The following NPAS3 variants were observed in gnomAD, a reference collection of about 807,000 sequenced individuals.
NPAS3 encodes the protein neuronal PAS domain-containing protein 3.
In NPAS3, 14 loss-of-function variants were observed where a neutral mutation model predicts 73.1. The observed-to-expected ratio is 0.19, with a 90% confidence interval of 0.13 to 0.30. The LOEUF is 0.30. Ranked by LOEUF, NPAS3 falls within the 10% of genes least tolerant of loss-of-function variation. The probability of loss-of-function intolerance (pLI) is 1.00; values close to 1 mark genes in which losing one functional copy is unlikely to be tolerated. For synonymous variants in NPAS3, 620 were observed against 541.5 expected (o/e 1.14, Z -2.01); for missense variants, 1,096 against 1,250.0 (o/e 0.88, Z 1.86).
At position 32,962,940 on chromosome 14, in the gene NPAS3, C is replaced by T. The variant is rs188040913; in HGVS notation, c.50+23574C>T. 2.0e-5 allele frequency among the ~76,000 whole-genome samples: 3 copies of T among 150,742 alleles called. No homozygotes were observed. The East Asian group carries it at 5.9e-4, about 29-fold the overall frequency. On this transcript the variant is annotated intron_variant, in intron 1 of 11. Transcript: ENST00000356141. ...ATATTGCCCATGCTGGCCTTGGTCT[C>T]CTGGGTTCAAGTGATCCTTTTGCCT...
intron 3 of NPAS3, among the ~76,000 whole-genome samples, chr14:33,356,138 C>A (rs529962461): frequency 6.6e-6 from 1 of 152,340 alleles, no homozygotes; most frequent in South Asian, 2.1e-4. Context: ...ATACATTGAA[C>A]TGTGGTTAAA....
At chr14:33,585,927 AT>A (rs1335774858) in intron 5 of NPAS3, 7 of 151,852 alleles carry the variant, frequency 4.6e-5, no homozygotes, top group Non-Finnish European at 1.0e-4. Flanking sequence ...TTTTAGTTTT[AT>A]TTTCTGATCA....
intron 4 of NPAS3, among the ~76,000 whole-genome samples, chr14:33,430,558 AC>A (rs1475979591): frequency 1.3e-5 from 2 of 151,978 alleles, no homozygotes; most frequent in Non-Finnish European, 2.9e-5. Context: ...GGGTGTCTGC[AC>A]TGTGACAAGA....
chr14:33,294,730 T>C (rs2042227103), intron 3 of NPAS3, among the ~76,000 whole-genome samples: 1 of 152,214 alleles, frequency 6.6e-6, no homozygotes, highest in Admixed American at 6.5e-5. Context: ...CAAATTTTAA[T>C]GGTGTCTGTA....
intron 7 of NPAS3, among the ~76,000 whole-genome samples, chr14:33,767,681 G>A (rs1055981470): frequency 1.3e-5 from 2 of 150,328 alleles, no homozygotes; most frequent in African/African-American, 4.9e-5. Flanking sequence ...ATTATATGTG[G>A]GAAATAATGC....
At chr14:33,044,003 A>G (rs2040424669) in intron 1 of NPAS3, among the ~76,000 whole-genome samples, 1 of 152,150 alleles carries the variant, frequency 6.6e-6, no homozygotes, top group Non-Finnish European at 1.5e-5. Flanking sequence ...TTTGACTCTT[A>G]TGTAATATTT....
chr14:33,769,763 T>TC (rs2062589331), intron 7 of NPAS3, among the ~76,000 whole-genome samples: 1 of 129,302 alleles, frequency 7.7e-6, no homozygotes, highest in Non-Finnish European at 1.6e-5. Context: ...TTTCTTTTTT[T>TC]TTTTTTTTTT....
rs188947341 is a variant in NPAS3 at position 33,172,677 on chromosome 14, G to A, written c.141-42505G>A. Among the ~76,000 whole-genome samples, 37 of 151,776 alleles carry A rather than the reference G, an allele frequency of 2.4e-4. 2 individuals are homozygous for A. The highest frequency in any genetic ancestry group is 6.8e-3 in the Middle Eastern group (2 of 292). Reference sequence around the variant, plus strand: ...CTTGAACCTTGGAGGCGGAGGTTACGCTGAACTGAGATCATGCCACAGCAC... The same window carrying A: ...CTTGAACCTTGGAGGCGGAGGTTACACTGAACTGAGATCATGCCACAGCAC... On this transcript the variant is annotated intron_variant, in intron 2 of 11. Coordinates refer to ENST00000356141, the Ensembl canonical transcript of NPAS3.
intron 3 of NPAS3, among the ~76,000 whole-genome samples, chr14:33,259,292 AT>A (rs1425074579): frequency 1.3e-5 from 2 of 150,756 alleles, no homozygotes; most frequent in South Asian, 2.1e-4. Context: ...CGTCCATTTT[AT>A]TTTTTTTTCT....
chr14:33,118,050 T>G (rs1253197849), intron 2 of NPAS3, among the ~76,000 whole-genome samples: 2 of 152,092 alleles, frequency 1.3e-5, no homozygotes, highest in Non-Finnish European at 2.9e-5. Context: ...AATCTCAAGT[T>G]TTGGGGAGCA....
At chr14:33,530,545 T>G (rs2053994409) in intron 4 of NPAS3, among the ~76,000 whole-genome samples, 1 of 152,076 alleles carries the variant, frequency 6.6e-6, no homozygotes, top group Non-Finnish European at 1.5e-5. Flanking sequence ...TTGCAAGTTG[T>G]CAGTTTGAAA....
intron 3 of NPAS3, among the ~76,000 whole-genome samples, chr14:33,293,695 G>A (rs149388202): frequency 6.6e-6 from 1 of 152,138 alleles, no homozygotes; most frequent in Non-Finnish European, 1.5e-5. Flanking sequence ...ATTGTAAAAG[G>A]TTAGTAATTA....
intron 4 of NPAS3, among the ~76,000 whole-genome samples, chr14:33,417,959 T>C (rs2048216516): frequency 6.6e-6 from 1 of 152,056 alleles, no homozygotes; most frequent in South Asian, 2.1e-4. Flanking sequence ...TTGGTTCCCC[T>C]GGAATTGCAC....
chr14:33,048,539 C>T (rs929529468), intron 1 of NPAS3, among the ~76,000 whole-genome samples: 3 of 152,212 alleles, frequency 2.0e-5, no homozygotes, highest in African/African-American at 7.2e-5. Flanking sequence ...AGGACTCCCA[C>T]CAATCCCCAT....
At chr14:33,386,524 T>TA (rs2046782743) in intron 4 of NPAS3, among the ~76,000 whole-genome samples, 3 of 143,098 alleles carry the variant, frequency 2.1e-5, no homozygotes, top group Non-Finnish European at 4.6e-5. Flanking sequence ...TTTTTTTTTT[T>TA]AATGTAGCCT....
chr14:33,157,250 G>T (rs2044680443), intron 2 of NPAS3, among the ~76,000 whole-genome samples: 1 of 152,142 alleles, frequency 6.6e-6, no homozygotes, highest in African/African-American at 2.4e-5. Flanking sequence ...AATTATCTTT[G>T]ACATATTTTG....
At position 33,417,793 on chromosome 14, in the gene NPAS3, A is replaced by G. The variant is rs578086544; in HGVS notation, c.468+50525A>G. Among the ~76,000 whole-genome samples, 7 of 152,108 alleles carry G rather than the reference A, an allele frequency of 4.6e-5. No individual in the cohort carries two copies. In the South Asian group the frequency reaches 1.5e-3, roughly 32 times the overall value. On this transcript the variant is annotated intron_variant, in intron 4 of 11. Coordinates refer to ENST00000356141, the Ensembl canonical transcript of NPAS3. ...ACATGAGGAGATCTCACTGAAATAA[A>G]AAGGAGCAGAAAGAGAAAGAAGCAC...
At chr14:33,327,185 T>A (rs1033580269) in intron 3 of NPAS3, among the ~76,000 whole-genome samples, 2 of 152,232 alleles carry the variant, frequency 1.3e-5, no homozygotes, top group Non-Finnish European at 2.9e-5. Flanking sequence ...CTCAAATGTT[T>A]GAAAGGCTTC....
At chr14:33,422,522 G>A (rs2048396744) in intron 4 of NPAS3, among the ~76,000 whole-genome samples, 1 of 151,778 alleles carries the variant, frequency 6.6e-6, no homozygotes, top group Non-Finnish European at 1.5e-5. Context: ...AGAAGGATAT[G>A]GAAAATGTCA....
Sources: gnomAD v4.1 joint callset for allele counts (sites outside exome capture counted in the v4.1 genomes callset) on GRCh38, gnomAD v4.1.1 for gene constraint, MANE v1.5 for transcripts, NCBI Gene and HGNC (gene_info 2026-07-23, HGNC 2026-07-21) for gene names.